GET4: variants seen among roughly 807,000 people sequenced by gnomAD.
The protein encoded by GET4 is Golgi to ER traffic protein 4 homolog.
A neutral mutation model predicts 40.0 loss-of-function variants in GET4; 20 were observed. That is an observed-to-expected ratio of 0.50 (90% CI 0.35 to 0.73). The LOEUF (loss-of-function observed/expected upper bound fraction) is 0.73. GET4 is among the 30% of genes least tolerant of loss of function. The probability of loss-of-function intolerance (pLI) is 0.01; values close to 1 mark genes in which losing one functional copy is unlikely to be tolerated. For missense variants in GET4, 557 were observed against 454.0 expected (o/e 1.23, Z -2.06); for synonymous variants, 280 against 194.6 (o/e 1.44, Z -3.65).
chr7:887,339 T>C, intron 3 of GET4, 31 bp from the exon 4 acceptor site: 1 of 1,565,562 alleles, frequency 6.4e-7, no homozygotes, highest in South Asian at 1.2e-5. Flanking sequence ...TGGCCGTGCG[T>C]TCCTCTGATG....
intron 1 of GET4, among the ~76,000 whole-genome samples, chr7:878,685 A>G (rs1296781853): frequency 6.7e-6 from 1 of 150,236 alleles, no homozygotes; most frequent in Non-Finnish European, 1.5e-5. Context: ...TTCAAGCTAT[A>G]TTCTCCTGCC....
chr7:885,933 GGCT>G (rs561313549), intron 1 of GET4, 120 bp from the exon 2 acceptor site: 92 of 702,106 alleles, frequency 1.3e-4, no homozygotes, highest in Middle Eastern at 7.5e-4. Context: ...CCCTGGGAGC[GGCT>G]GCTTTTAGGA....
At chr7:882,011 C>T (rs1844096582) in intron 1 of GET4, 1 of 152,202 alleles carries the variant, frequency 6.6e-6, no homozygotes, top group African/African-American at 2.4e-5. Flanking sequence ...TGATCTTGTT[C>T]CTTTTTATGG....
chr7:877,366 C>T (rs1189979766), intron 1 of GET4, among the ~76,000 whole-genome samples: 5 of 129,222 alleles, frequency 3.9e-5, no homozygotes, highest in East Asian at 2.4e-4. Context: ...CTCCCCCTGC[C>T]CCTCGTCTCT....
chr7:895,344 G>T lies in GET4; in HGVS notation c.906G>T (p.Leu302=). ...TGTTCTTCTTTCCAGGGAACCTTCT[G>T]ACCAGCCTCATGGGCTCCTCAGAGC... The part of the protein sequence containing the change: ...SSYGGLLGNL[L]TSLMGSSEQE... Residue 302 remains leucine, a synonymous_variant, in exon 9 of 9, where the codon CTG becomes CTT. Transcript: ENST00000265857. 2 of 1,573,834 alleles carry T rather than the reference G, an allele frequency of 1.3e-6. No homozygotes were observed. Among genetic ancestry groups the T allele is most frequent in the South Asian group, 1.1e-5 (1 of 89,296 alleles).
At chr7:879,191 C>T (rs1401710792) in intron 1 of GET4, among the ~76,000 whole-genome samples, 1 of 152,240 alleles carries the variant, frequency 6.6e-6, no homozygotes, top group Admixed American at 6.5e-5. Flanking sequence ...TTGTAGTTTG[C>T]TAGTTCATGT....
At position 876,736 on chromosome 7, in the gene GET4, C is replaced by T. The variant is rs1243870806; in HGVS notation, c.91C>T (p.Arg31Cys). ...GGVQRVEGKL[R>C]ASVEKGDYYE... ...CGTCCAGCGTGTGGAGGGCAAGCTG[C>T]GCGCCAGCGTCGAGAAGGGCGACTA... The change falls in exon 1 of 9, where the codon CGC (arginine) becomes TGC (cysteine). Residue 31 changes from arginine (R) to cysteine (C), a missense_variant. By Grantham distance (180) the Arg-to-Cys change is radical (BLOSUM62 -3). Coordinates refer to ENST00000265857, the MANE Select transcript of GET4 (RefSeq NM_015949.3). The T allele has an allele frequency of 7.3e-6, 10 of 1,377,012 alleles. No homozygotes were observed. Among genetic ancestry groups the T allele is most frequent in the Admixed American group, 5.6e-5 (2 of 35,546 alleles). The allele number at this position is 1,377,012 out of a possible 1,614,324, so 85.3% of individuals were successfully genotyped here.
chr7:890,882 T>C, intron 4 of GET4, 46 bp from the exon 5 acceptor site: 8 of 1,434,570 alleles, frequency 5.6e-6, no homozygotes, highest in Non-Finnish European at 7.9e-6. Flanking sequence ...CTTTTCTGTG[T>C]TATATTCGTG....
chr7:886,329 C>T (rs1226564640), intron 2 of GET4, 195 bp downstream of exon 2: 7 of 606,526 alleles, frequency 1.2e-5, no homozygotes, highest in Non-Finnish European at 2.1e-5. Flanking sequence ...CTCTGCGCTG[C>T]GTTTGTGCAC....
chr7:883,660 C>T (rs2128627239), intron 1 of GET4: 2 of 985,538 alleles, frequency 2.0e-6, no homozygotes, highest in Non-Finnish European at 2.4e-6. Flanking sequence ...GCCAATAGTG[C>T]GCAGCATGCA....
chr7:894,002 C>G (rs1189530137), intron 8 of GET4, 31 bp downstream of exon 8: 1 of 1,491,538 alleles, frequency 6.7e-7, no homozygotes, highest in East Asian at 2.3e-5. Context: ...CACACCCACT[C>G]CAGCCCTGGG....
At chr7:881,535 CTG>C (rs1248146295) in intron 1 of GET4, 2 of 152,244 alleles carry the variant, frequency 1.3e-5, no homozygotes, top group East Asian at 1.9e-4. Context: ...GTGGTTTTCC[CTG>C]TGTGTCTCCA....
chr7:880,762 A>G (rs905744634), intron 1 of GET4: 2 of 152,252 alleles, frequency 1.3e-5, no homozygotes, highest in African/African-American at 4.8e-5. Flanking sequence ...ACCCACTGAG[A>G]CACTGTCGTT....
rs894877299 is a variant in GET4, at chr7:886,043, C to T, written c.156-13C>T. The T allele has an allele frequency of 1.9e-6, 3 of 1,560,088 alleles. No homozygotes were observed. The highest frequency in any genetic ancestry group is 2.6e-6 in the Non-Finnish European group (3 of 1,132,272). On this transcript the variant is annotated splice_polypyrimidine_tract_variant and intron_variant, in intron 1 of 8. Transcript: ENST00000265857. ...GCACGTGGGCGTGGCTCACGGTCTC[C>T]TCTCTGTGGCAGGTACATGTCCCAG... is the stretch of plus-strand genomic sequence containing the variant.
At chr7:886,532 TTTGTTC>T in intron 2 of GET4, 31 bp from the exon 3 acceptor site, 1 of 1,513,374 alleles carries the variant, frequency 6.6e-7, no homozygotes, top group Non-Finnish European at 9.2e-7. Flanking sequence ...AGGTCAGGGC[TTTGTTC>T]TTGATTCTTG....
intron 2 of GET4, 24 bp from the exon 3 acceptor site, chr7:886,545 C>T (rs1274175523): frequency 1.3e-6 from 2 of 1,571,932 alleles, no homozygotes; most frequent in South Asian, 1.1e-5. Context: ...GTTCTTGATT[C>T]TTGTGTGTTG....
chr7:878,563 C>T (rs1189194316), intron 1 of GET4, among the ~76,000 whole-genome samples: 1 of 147,824 alleles, frequency 6.8e-6, no homozygotes, highest in Non-Finnish European at 1.5e-5. Flanking sequence ...GGGTTTTTTC[C>T]TTTTAATAAA....
intron 8 of GET4, 76 bp downstream of exon 8, chr7:894,047 C>T (rs1040651079): frequency 1.2e-5 from 10 of 838,114 alleles, no homozygotes; most frequent in African/African-American, 1.7e-5. Context: ...CCAGGCAGGT[C>T]CAGTGCGGTC....
chr7:887,712 GA>G (rs1191625219), intron 4 of GET4, among the ~76,000 whole-genome samples, 193 bp downstream of exon 4: 4 of 152,212 alleles, frequency 2.6e-5, no homozygotes, highest in African/African-American at 9.6e-5. Context: ...GAGAAGCTGC[GA>G]GAAGGGGGGC....
Sources: allele counts gnomAD v4.1 joint callset (sites outside exome capture counted in the v4.1 genomes callset), GRCh38; gene constraint gnomAD v4.1.1; transcripts MANE v1.5; gene names NCBI Gene and HGNC (gene_info 2026-07-23, HGNC 2026-07-21).